Variants in SAMD5 observed in about 807,000 individuals in gnomAD.
The protein encoded by SAMD5 is sterile alpha motif domain-containing protein 5.
A neutral mutation model predicts 11.3 loss-of-function variants in SAMD5; 13 were observed. The observed-to-expected ratio is 1.15, with a 90% CI of 0.75 to 1.83. SAMD5 has a LOEUF of 1.83. Among genes scored for constraint, SAMD5 ranks in the 40% most tolerant of loss-of-function variants. SAMD5 has a pLI of 0.00. For synonymous variants in SAMD5, 129 were observed against 111.3 expected (o/e 1.16, Z -1.00); for missense variants, 255 against 239.1 (o/e 1.07, Z -0.44).
At chr6:147,574,876 A>G (rs1484796960), downstream of SAMD5, among the ~76,000 whole-genome samples, 7 of 152,228 alleles carry the variant, frequency 4.6e-5, no homozygotes, top group Admixed American at 4.6e-4. Flanking sequence ...CTGAATTTTG[A>G]AGGGAACATA....
At chr6:147,810,098 G>A in the SAMD5 span, among the ~76,000 whole-genome samples, 1 of 152,160 alleles carries the variant, frequency 6.6e-6, no homozygotes, top group Non-Finnish European at 1.5e-5. Flanking sequence ...ATTTTAAAAT[G>A]AGAGGTATTT....
rs148627102 is a variant in SAMD5, at chr6:147,724,159, A to G, written c.163-13158A>G. Among the ~76,000 whole-genome samples the G allele has an allele frequency of 3.3e-3, 506 of 152,138 alleles. 3 individuals carry two copies. Among genetic ancestry groups the G allele is most frequent in the African/African-American group, 0.012 (483 of 41,510 alleles). On this transcript the variant is annotated intron_variant, in intron 1 of 1. Coordinates refer to the SAMD5 transcript ENST00000566741. Reference sequence around the variant, plus strand: ...TATATATTTTTTGAAACAGAGTCTCACTCTGTCACCCAGGCTGGAGTGCAG... The same window carrying G: ...TATATATTTTTTGAAACAGAGTCTCGCTCTGTCACCCAGGCTGGAGTGCAG...
chr6:147,509,445 C>T, intron 1 of SAMD5, 58 bp downstream of exon 1: 3 of 1,444,776 alleles, frequency 2.1e-6, no homozygotes, highest in Non-Finnish European at 2.8e-6. Context: ...CACAGCCCAG[C>T]TGCCTGTGCC....
chr6:147,881,046 A>C, the SAMD5 span, among the ~76,000 whole-genome samples: 11 of 152,142 alleles, frequency 7.2e-5, no homozygotes, highest in African/African-American at 2.4e-4. Flanking sequence ...TAAGCTGAGA[A>C]GCATGTCCAC....
intron 1 of SAMD5, among the ~76,000 whole-genome samples, chr6:147,733,270 T>G (rs1415627958): frequency 3.9e-5 from 6 of 152,244 alleles, no homozygotes; most frequent in African/African-American, 1.4e-4. Context: ...CCAGGTTTCT[T>G]CTTTTTTCCA....
chr6:147,773,404 G>A, the SAMD5 span, among the ~76,000 whole-genome samples: 1 of 152,158 alleles, frequency 6.6e-6, no homozygotes, highest in Non-Finnish European at 1.5e-5. Context: ...GGAGAAAAGA[G>A]GATGGCCAAG....
chr6:147,672,787 G>C (rs1790812389), intron 1 of SAMD5, among the ~76,000 whole-genome samples: 1 of 151,690 alleles, frequency 6.6e-6, no homozygotes. Context: ...GATTTTCTAG[G>C]TGAAGATTTA....
chr6:147,789,107 A>T, the SAMD5 span, among the ~76,000 whole-genome samples: 1 of 151,234 alleles, frequency 6.6e-6, no homozygotes, highest in Non-Finnish European at 1.5e-5. Context: ...AAACAAAAAA[A>T]AAAACACCAC....
the SAMD5 span, among the ~76,000 whole-genome samples, chr6:147,944,674 A>G: frequency 6.6e-6 from 1 of 152,336 alleles, no homozygotes; most frequent in Admixed American, 6.5e-5. Context: ...TTTCCTGTCC[A>G]CAAATCTCTA....
chr6:147,623,918 C>T (rs1422232484), intron 1 of SAMD5, among the ~76,000 whole-genome samples: 2 of 151,970 alleles, frequency 1.3e-5, no homozygotes, highest in East Asian at 1.9e-4. Context: ...CGCCCAGGCT[C>T]GAGTGCAGTG....
intron 1 of SAMD5, among the ~76,000 whole-genome samples, chr6:147,591,306 G>A (rs1018170943): frequency 2.6e-5 from 4 of 152,174 alleles, no homozygotes; most frequent in African/African-American, 4.8e-5. Flanking sequence ...AACTCCAGTG[G>A]CATATAAAGC....
At chr6:147,744,626 G>A in the SAMD5 span, among the ~76,000 whole-genome samples, 3 of 152,138 alleles carry the variant, frequency 2.0e-5, no homozygotes, top group Non-Finnish European at 2.9e-5. Context: ...GGCTGGGCGC[G>A]GTGGCTCATG....
the SAMD5 span, among the ~76,000 whole-genome samples, chr6:147,833,463 G>A: frequency 7.2e-5 from 11 of 152,202 alleles, no homozygotes; most frequent in South Asian, 2.1e-4. Flanking sequence ...TAAATTATAC[G>A]TTAGACTGTG....
chr6:147,652,280 TTTTG>T (rs1478046789), intron 1 of SAMD5, among the ~76,000 whole-genome samples: 3 of 152,082 alleles, frequency 2.0e-5, no homozygotes, highest in Admixed American at 6.5e-5. Context: ...CTGAAGGTTT[TTTTG>T]TTTGTTTGGT....
the SAMD5 span, among the ~76,000 whole-genome samples, chr6:147,750,582 C>T: frequency 1.3e-5 from 2 of 152,190 alleles, no homozygotes; most frequent in African/African-American, 4.8e-5. Context: ...AGGCTTCTCA[C>T]AGTTTGATGA....
At chr6:147,617,284 A>T (rs1157534522) in intron 1 of SAMD5, among the ~76,000 whole-genome samples, 3 of 152,172 alleles carry the variant, frequency 2.0e-5, no homozygotes, top group African/African-American at 7.2e-5. Context: ...CAGGTGAGAG[A>T]CACTCAGGAA....
chr6:147,896,638 T>A, the SAMD5 span, among the ~76,000 whole-genome samples: 4 of 151,312 alleles, frequency 2.6e-5, no homozygotes, highest in Admixed American at 6.6e-5. Context: ...ACAATATTAT[T>A]TAAACTAAAA....
chr6:147,925,682 CT>C, the SAMD5 span, among the ~76,000 whole-genome samples: 48,880 of 115,054 alleles, frequency 0.42, 9,073 homozygotes, highest in South Asian at 0.49. Flanking sequence ...ACTGAGAATT[CT>C]TTTTTTTTTT....
At position 147,686,616 on chromosome 6, in the gene SAMD5, A is replaced by G. The variant is rs144688979; in HGVS notation, c.163-50701A>G. Among the ~76,000 whole-genome samples the G allele has an allele frequency of 7.2e-5, 11 of 152,178 alleles. No homozygotes were observed. In the East Asian group the frequency reaches 1.4e-3, roughly 19 times the overall value. ...ATGAGTCTGTTTCTGGTTCCTTTAT[A>G]CTGTTTATTGGTATATTTTTCTATG... On this transcript the variant is annotated intron_variant, in intron 1 of 1. Coordinates refer to the SAMD5 transcript ENST00000566741.
Sources: gnomAD v4.1 joint callset for allele counts (sites outside exome capture counted in the v4.1 genomes callset) on GRCh38, gnomAD v4.1.1 for gene constraint, MANE v1.5 for transcripts, NCBI Gene and HGNC (gene_info 2026-07-23, HGNC 2026-07-21) for gene names.